SEMA6D: variants seen among roughly 807,000 people sequenced by gnomAD.
SEMA6D encodes semaphorin-6D.
In SEMA6D, 35 loss-of-function variants were observed where a neutral mutation model predicts 106.6. That is an observed-to-expected ratio of 0.33 (90% CI 0.25 to 0.44). The LOEUF (loss-of-function observed/expected upper bound fraction) is 0.44. Among genes scored for constraint, SEMA6D ranks in the 20% least tolerant of loss-of-function variants. The probability of loss-of-function intolerance (pLI) is 1.00; values close to 1 mark genes in which losing one functional copy is unlikely to be tolerated. For synonymous variants in SEMA6D, 499 were observed against 487.7 expected (o/e 1.02, Z -0.31); for missense variants, 1,185 against 1,345.9 (o/e 0.88, Z 1.87).
In SEMA6D at chr15:47,576,251, T is replaced by C. The variant is rs1419059083; in HGVS notation, c.-86-24614T>C. On this transcript the variant is annotated intron_variant, in intron 3 of 19. Coordinates refer to the SEMA6D transcript ENST00000558014. ...GAACTGAAATAAAGAGAAACCAAAA[T>C]GATTTGTTAAGAAAGACCACAGTCC... 3.3e-5 allele frequency among the ~76,000 whole-genome samples: 5 copies of C among 152,294 alleles called. No individual in the cohort carries two copies. In the East Asian group the frequency reaches 9.7e-4, roughly 29 times the overall value.
At chr15:47,659,116 TA>T (rs2077864518) in intron 4 of SEMA6D, among the ~76,000 whole-genome samples, 1 of 152,048 alleles carries the variant, frequency 6.6e-6, no homozygotes, top group Non-Finnish European at 1.5e-5. Context: ...AAACAAAATC[TA>T]AAGTTGTCAT....
chr15:47,255,121 A>C (rs1483615577), intron 1 of SEMA6D, among the ~76,000 whole-genome samples: 1 of 152,068 alleles, frequency 6.6e-6, no homozygotes, highest in Middle Eastern at 3.4e-3. Context: ...CAATCTTGTC[A>C]CTTGTTATTG....
chr15:47,744,651 G>A (rs1007650892), intron 1 of SEMA6D, among the ~76,000 whole-genome samples: 7 of 151,988 alleles, frequency 4.6e-5, no homozygotes, highest in Admixed American at 6.6e-5. Flanking sequence ...GTGGAGGCTC[G>A]GTCCCTGTTC....
chr15:47,418,274 G>A (rs1380353950), intron 2 of SEMA6D, among the ~76,000 whole-genome samples: 1 of 152,102 alleles, frequency 6.6e-6, no homozygotes, highest in African/African-American at 2.4e-5. Context: ...TTGAAAATTA[G>A]CAGGGAGGCT....
Position 47,418,131 on chromosome 15 carries a change from T to C in SEMA6D, c.-159+5659T>C, listed in dbSNP as rs186437095. On this transcript the variant is annotated intron_variant, in intron 2 of 19. Coordinates refer to the SEMA6D transcript ENST00000558014. ...ATGGAGTGGCCTGGTAAAGCTTTTCTATGTAGATACCTTCTGAGAAAAAGA... is the reference window on the plus strand; with the variant it reads ...ATGGAGTGGCCTGGTAAAGCTTTTCCATGTAGATACCTTCTGAGAAAAAGA... Among the ~76,000 whole-genome samples the C allele has an allele frequency of 2.0e-4, 30 of 152,236 alleles. No homozygotes were observed. In the East Asian group the frequency reaches 4.1e-3, roughly 21 times the overall value.
intron 3 of SEMA6D, among the ~76,000 whole-genome samples, chr15:47,558,608 G>A (rs1596316279): frequency 6.6e-6 from 1 of 151,892 alleles, no homozygotes. Context: ...TAAAAGTATA[G>A]GGCATGATTA....
intron 4 of SEMA6D, among the ~76,000 whole-genome samples, chr15:47,627,607 G>A (rs997725807): frequency 6.6e-6 from 1 of 152,218 alleles, no homozygotes; most frequent in South Asian, 2.1e-4. Context: ...GCTCTCACTT[G>A]CATTTGATTA....
At chr15:47,263,017 C>T (rs2034149143) in intron 1 of SEMA6D, among the ~76,000 whole-genome samples, 2 of 15,566 alleles carry the variant, frequency 1.3e-4, no homozygotes, top group South Asian at 3.6e-3. Flanking sequence ...AAAACTGGAC[C>T]CCCTTTTTTA....
intron 3 of SEMA6D, among the ~76,000 whole-genome samples, chr15:47,552,864 A>ATATATATATAAATATATATATT (rs2045778246): frequency 3.1e-5 from 2 of 64,644 alleles, no homozygotes; most frequent in African/African-American, 2.5e-4. Flanking sequence ...ATATATATAT[A>ATATATATATAAATATATATATT]TTTTTATATA....
chr15:47,255,194 T>A (rs2033739491), intron 1 of SEMA6D, among the ~76,000 whole-genome samples: 2 of 152,146 alleles, frequency 1.3e-5, no homozygotes, highest in East Asian at 3.9e-4. Context: ...GCCAAGGAAC[T>A]TACCAGTTTT....
At chr15:47,621,278 G>A (rs990730310) in intron 4 of SEMA6D, among the ~76,000 whole-genome samples, 2 of 152,114 alleles carry the variant, frequency 1.3e-5, no homozygotes, top group Admixed American at 1.3e-4. Context: ...TTTTTGCTAA[G>A]TAGAACAAAA....
At chr15:47,191,086 A>G (rs1893929706) in intron 1 of SEMA6D, among the ~76,000 whole-genome samples, 1 of 151,300 alleles carries the variant, frequency 6.6e-6, no homozygotes, top group Admixed American at 6.6e-5. Flanking sequence ...AGTGGGAGGA[A>G]CTCTCTAGGC....
chr15:47,470,970 G>A (rs758458145), intron 3 of SEMA6D, among the ~76,000 whole-genome samples: 1 of 152,128 alleles, frequency 6.6e-6, no homozygotes, highest in Non-Finnish European at 1.5e-5. Context: ...AACCAAATGT[G>A]TACACTGTAA....
At chr15:47,303,374 C>T (rs979742632) in intron 1 of SEMA6D, among the ~76,000 whole-genome samples, 1 of 152,188 alleles carries the variant, frequency 6.6e-6, no homozygotes, top group Non-Finnish European at 1.5e-5. Flanking sequence ...TTTACTGTTC[C>T]AGTTTCTGGA....
At chr15:47,611,611 T>C (rs1433044863) in intron 4 of SEMA6D, among the ~76,000 whole-genome samples, 10 of 152,210 alleles carry the variant, frequency 6.6e-5, no homozygotes, top group Admixed American at 6.5e-4. Context: ...GTAATGAACA[T>C]ACATTAATTT....
intron 4 of SEMA6D, among the ~76,000 whole-genome samples, chr15:47,604,888 A>G (rs1289921562): frequency 1.0e-5 from 1 of 96,330 alleles, no homozygotes; most frequent in African/African-American, 4.0e-5. Flanking sequence ...TTGTATTTTT[A>G]GTAGAAATAA....
intron 1 of SEMA6D, among the ~76,000 whole-genome samples, chr15:47,363,983 G>C (rs2038912502): frequency 6.6e-6 from 1 of 152,110 alleles, no homozygotes; most frequent in Admixed American, 6.6e-5. Context: ...TCACTATCAG[G>C]AGAACAGTGT....
At chr15:47,396,676 G>C (rs1184359839) in intron 1 of SEMA6D, 1 of 152,168 alleles carries the variant, frequency 6.6e-6, no homozygotes, top group Non-Finnish European at 1.5e-5. Context: ...TGCTCACCCA[G>C]ATTGAGGGTG....
chr15:47,406,751 G>A (rs867260063), intron 1 of SEMA6D, among the ~76,000 whole-genome samples: 2 of 149,234 alleles, frequency 1.3e-5, no homozygotes, highest in Admixed American at 6.8e-5. Flanking sequence ...GTTTCCTAAG[G>A]GAGTAGATCT....
Sources: allele counts gnomAD v4.1 joint callset (sites outside exome capture counted in the v4.1 genomes callset), GRCh38; gene constraint gnomAD v4.1.1; transcripts MANE v1.5; gene names NCBI Gene and HGNC (gene_info 2026-07-23, HGNC 2026-07-21).